Variants in UBE3D observed in about 807,000 individuals in gnomAD.
UBE3D encodes the protein ubiquitin protein ligase E3D, also known as E3 ubiquitin-protein ligase E3D.
A neutral mutation model predicts 49.6 loss-of-function variants in UBE3D; 48 were observed. The observed-to-expected ratio is 0.97, with a 90% CI of 0.77 to 1.23. UBE3D has a LOEUF of 1.23. Ranked by LOEUF, UBE3D falls within the 50% of genes most tolerant of loss-of-function variation. UBE3D has a pLI of 0.00. For synonymous variants in UBE3D, 189 were observed against 174.2 expected (o/e 1.08, Z -0.67); for missense variants, 452 against 468.4 (o/e 0.96, Z 0.32).
intron 4 of UBE3D, among the ~76,000 whole-genome samples, chr6:83,041,146 C>T (rs542320591): frequency 6.6e-6 from 1 of 152,220 alleles, no homozygotes; most frequent in Non-Finnish European, 1.5e-5. Context: ...ATTGTAATAG[C>T]AATGCTTGAA....
At chr6:82,996,576 T>A (rs529982779) in intron 8 of UBE3D, among the ~76,000 whole-genome samples, 1 of 152,020 alleles carries the variant, frequency 6.6e-6, no homozygotes, top group Non-Finnish European at 1.5e-5. Context: ...GAATACAGCA[T>A]GAGAAGGGAA....
chr6:82,882,315 A>G, the UBE3D span, among the ~76,000 whole-genome samples: 61 of 152,346 alleles, frequency 4.0e-4, 1 homozygote, highest in South Asian at 2.9e-3. Context: ...CCTCACCAAA[A>G]TAAAGGCTTT....
intron 8 of UBE3D, among the ~76,000 whole-genome samples, chr6:82,980,505 T>C (rs949664164): frequency 6.6e-6 from 1 of 152,098 alleles, no homozygotes; most frequent in Non-Finnish European, 1.5e-5. Context: ...ATTTTACAGA[T>C]ATTTTCTCCC....
At chr6:82,909,035 G>T (rs1772309404) in intron 9 of UBE3D, among the ~76,000 whole-genome samples, 1 of 152,168 alleles carries the variant, frequency 6.6e-6, no homozygotes, top group Non-Finnish European at 1.5e-5. Context: ...GCAGTCTGAA[G>T]TAGTCACAGG....
intron 9 of UBE3D, among the ~76,000 whole-genome samples, chr6:82,907,716 C>T (rs973013939): frequency 6.6e-6 from 1 of 152,134 alleles, no homozygotes; most frequent in Admixed American, 6.5e-5. Flanking sequence ...ACGGAACAGC[C>T]GGAGCTCTCA....
intron 8 of UBE3D, among the ~76,000 whole-genome samples, chr6:83,008,465 T>G (rs1457371536): frequency 1.3e-5 from 2 of 152,240 alleles, no homozygotes; most frequent in Non-Finnish European, 2.9e-5. Context: ...CCGCTGTTGC[T>G]CACCAAGATG....
At chr6:82,929,648 C>A (rs1774000900) in intron 9 of UBE3D, among the ~76,000 whole-genome samples, 1 of 151,982 alleles carries the variant, frequency 6.6e-6, no homozygotes, top group Non-Finnish European at 1.5e-5. Flanking sequence ...TTCCCCCTTT[C>A]TTCTTTTCTC....
At chr6:83,063,412 T>TAAAAAAAAAAAAAAAAAAAAAA (rs201669450) in intron 1 of UBE3D, among the ~76,000 whole-genome samples, 6 of 45,494 alleles carry the variant, frequency 1.3e-4, no homozygotes, top group African/African-American at 4.4e-4. Context: ...AGACGCTGTC[T>TAAAAAAAAAAAAAAAAAAAAAA]AAAAAAAAAA....
At chr6:83,018,850 G>A (rs1780873896) in intron 8 of UBE3D, 123 bp downstream of exon 8, 6 of 1,015,770 alleles carry the variant, frequency 5.9e-6, no homozygotes, top group African/African-American at 5.0e-5. Flanking sequence ...TAGCAGTATT[G>A]GCTCCTAGAA....
Position 83,033,128 on chromosome 6 carries a change from A to C in UBE3D, c.667+5288T>G, listed in dbSNP as rs1781999074. ...CAATCATGGTGGCAGGCAAAGAAGG[A>C]GCAAGGTGTCTCACATGGTGAAAGC... On this transcript the variant is annotated intron_variant, in intron 5 of 9. Coordinates refer to ENST00000369747, the MANE Select transcript of UBE3D (RefSeq NM_198920.3). 5.3e-5 allele frequency among the ~76,000 whole-genome samples: 8 copies of C among 152,202 alleles called. No homozygotes were observed. In the South Asian group the frequency reaches 1.5e-3, roughly 28 times the overall value.
At chr6:83,043,517 T>A (rs1308951999) in intron 4 of UBE3D, among the ~76,000 whole-genome samples, 1 of 152,182 alleles carries the variant, frequency 6.6e-6, no homozygotes, top group Non-Finnish European at 1.5e-5. Flanking sequence ...TGACAACAAC[T>A]TAACCTCCAC....
intron 9 of UBE3D, among the ~76,000 whole-genome samples, chr6:82,940,132 G>A (rs1315420845): frequency 6.6e-6 from 1 of 152,172 alleles, no homozygotes; most frequent in Non-Finnish European, 1.5e-5. Flanking sequence ...TTAACCTCCA[G>A]GCTGTCTGCC....
intron 1 of UBE3D, among the ~76,000 whole-genome samples, chr6:83,064,279 A>T (rs1300111002): frequency 6.6e-6 from 1 of 152,074 alleles, no homozygotes; most frequent in African/African-American, 2.4e-5. Context: ...GCTGAACTGC[A>T]GTGGCGCGAT....
chr6:83,024,697 T>A (rs112247416), intron 5 of UBE3D, among the ~76,000 whole-genome samples: 4,743 of 152,228 alleles, frequency 0.031, 108 homozygotes, highest in Admixed American at 0.064. Context: ...GTTTTGGGTC[T>A]TCTAGAATTG....
intron 8 of UBE3D, among the ~76,000 whole-genome samples, chr6:83,011,968 C>T (rs1780367452): frequency 1.3e-5 from 2 of 152,114 alleles, no homozygotes; most frequent in African/African-American, 4.8e-5. Flanking sequence ...GAGAACTTTG[C>T]CCCAGCCCTG....
chr6:83,054,075 TG>T (rs1359963081), intron 3 of UBE3D, 72 bp downstream of exon 3: 2 of 1,343,864 alleles, frequency 1.5e-6, no homozygotes, highest in Non-Finnish European at 2.1e-6. Context: ...GGCAATTACT[TG>T]AAAAATTCTG....
chr6:82,889,255 A>G (rs1009012351), downstream of UBE3D, among the ~76,000 whole-genome samples: 15 of 152,226 alleles, frequency 9.9e-5, no homozygotes, highest in African/African-American at 3.6e-4. Flanking sequence ...GCAAAAACAA[A>G]TGTACAGGAA....
Position 83,019,033 on chromosome 6 carries a change from C to T in UBE3D, c.950G>A (p.Ser317Asn), listed in dbSNP as rs761572341. Residue 317 changes from serine (S) to asparagine (N), a missense_variant, in exon 8 of 10, where the codon AGT becomes AAT. Ser to Asn is a conservative substitution (Grantham distance 46). Coordinates refer to ENST00000369747, the MANE Select transcript of UBE3D (RefSeq NM_198920.3). ...LLENTFKADSSSAWSAVKVLY... is the reference protein window; with the variant it reads ...LLENTFKADSNSAWSAVKVLY... ...GACCTTGACAGCACTCCAGGCAGAA[C>T]TAGAATCGGCTTTGAATGTGTTTTC... The T allele has an allele frequency of 1.2e-6, 2 of 1,613,852 alleles. No individual in the cohort carries two copies. The highest frequency in any genetic ancestry group is 1.1e-5 in the South Asian group (1 of 91,038).
chr6:83,054,738 G>C (rs1339415742), intron 2 of UBE3D, among the ~76,000 whole-genome samples: 1 of 151,786 alleles, frequency 6.6e-6, no homozygotes, highest in African/African-American at 2.4e-5. Context: ...TGCAATCTCT[G>C]CCTCCTGGGT....
Sources: gnomAD v4.1 joint callset for allele counts (sites outside exome capture counted in the v4.1 genomes callset) on GRCh38, gnomAD v4.1.1 for gene constraint, MANE v1.5 for transcripts, NCBI Gene and HGNC (gene_info 2026-07-23, HGNC 2026-07-21) for gene names.